The following DOCK4 variants were observed in gnomAD, a reference collection of about 807,000 sequenced individuals.
DOCK4 encodes the protein dedicator of cytokinesis protein 4.
A neutral mutation model predicts 268.1 loss-of-function variants in DOCK4; 97 were observed. The observed-to-expected ratio is 0.36, with a 90% confidence interval of 0.31 to 0.43. DOCK4 has a LOEUF of 0.43. Among genes scored for constraint, DOCK4 ranks in the 20% least tolerant of loss-of-function variants. The probability of loss-of-function intolerance (pLI) is 1.00; values close to 1 mark genes in which losing one functional copy is unlikely to be tolerated. For synonymous variants in DOCK4, 954 were observed against 887.2 expected (o/e 1.08, Z -1.34); for missense variants, 2,145 against 2,455.7 (o/e 0.87, Z 2.67).
chr7:112,009,555 T>C (rs1208008660), intron 1 of DOCK4, among the ~76,000 whole-genome samples: 1 of 152,220 alleles, frequency 6.6e-6, no homozygotes, highest in Non-Finnish European at 1.5e-5. Flanking sequence ...GGAGCAGGCA[T>C]CGGTGTTGTA....
At chr7:111,851,305 G>A (rs768129976) in intron 23 of DOCK4, among the ~76,000 whole-genome samples, 3 of 151,912 alleles carry the variant, frequency 2.0e-5, no homozygotes, top group Non-Finnish European at 2.9e-5. Context: ...TTAGCTGGGC[G>A]TGGCGGCACG....
intron 44 of DOCK4, among the ~76,000 whole-genome samples, chr7:111,744,214 T>C (rs1796116688): frequency 1.3e-5 from 2 of 152,072 alleles, no homozygotes; most frequent in South Asian, 2.1e-4. Context: ...GTGGAGGCAA[T>C]CCCTGAAGGG....
chr7:111,959,249 T>C (rs1586497473), intron 8 of DOCK4, among the ~76,000 whole-genome samples: 1 of 151,998 alleles, frequency 6.6e-6, no homozygotes, highest in Admixed American at 6.6e-5. Context: ...CCAAGGAGGG[T>C]GTCTGAATGC....
At chr7:112,041,314 G>A (rs2135507848) in intron 1 of DOCK4, among the ~76,000 whole-genome samples, 1 of 152,260 alleles carries the variant, frequency 6.6e-6, no homozygotes, top group East Asian at 1.9e-4. Flanking sequence ...AAGGAATACG[G>A]GAGAGAAGAA....
intron 9 of DOCK4, 126 bp from the exon 10 acceptor site, chr7:111,944,997 C>A: frequency 1.3e-6 from 1 of 770,274 alleles, no homozygotes; most frequent in South Asian, 1.5e-5. Flanking sequence ...ATGTTTGTAG[C>A]AGAAGTACAT....
intron 41 of DOCK4, 38 bp downstream of exon 41, chr7:111,758,582 GTCTA>G (rs1797188500): frequency 6.2e-7 from 1 of 1,605,808 alleles, no homozygotes; most frequent in South Asian, 1.1e-5. Flanking sequence ...GGGGCTCGCA[GTCTA>G]TCTGAGGAGT....
chr7:111,815,611 T>TTTATTTATTTATTTATTTCC (rs1357180943), intron 27 of DOCK4, among the ~76,000 whole-genome samples: 26 of 151,208 alleles, frequency 1.7e-4, no homozygotes, highest in African/African-American at 6.4e-4. Flanking sequence ...CATTTATTTA[T>TTTATTTATTTATTTATTTCC]TTCCTTCCTT....
chr7:112,202,554 C>T (rs1030797865), intron 1 of DOCK4, among the ~76,000 whole-genome samples: 2 of 151,986 alleles, frequency 1.3e-5, no homozygotes, highest in East Asian at 1.9e-4. Flanking sequence ...AAACGTACAT[C>T]AAAATATCAC....
Position 111,940,157 on chromosome 7 carries a change from G to A in DOCK4, c.930C>T (p.Asp310=), listed in dbSNP as rs1306208127. The A allele has an allele frequency of 1.9e-6, 3 of 1,613,952 alleles. No homozygotes were observed. Among genetic ancestry groups the A allele is most frequent in the Non-Finnish European group, 1.7e-6 (2 of 1,179,880 alleles). Residue 310 remains aspartate (D), a synonymous_variant, in exon 11 of 53, where the codon GAC becomes GAT. Coordinates refer to ENST00000428084, the MANE Select transcript of DOCK4 (RefSeq NM_001363540.2). The stretch of plus-strand genomic sequence containing the variant: ...CATCCTTTGTCTCTCCTGTTAGCAG[G>A]TCAGCGATGCTAAGAACTGCACAGC... ...PFGCAVLSIA[D]LLTGETKDDL...
chr7:112,109,921 G>GT (rs202188768), intron 1 of DOCK4, among the ~76,000 whole-genome samples: 17 of 147,688 alleles, frequency 1.2e-4, no homozygotes, highest in African/African-American at 4.5e-4. Context: ...ATTTTTTTGT[G>GT]TTTTTTAGGA....
intron 35 of DOCK4, among the ~76,000 whole-genome samples, chr7:111,779,881 G>T (rs1798685654): frequency 6.6e-6 from 1 of 152,178 alleles, no homozygotes; most frequent in African/African-American, 2.4e-5. Flanking sequence ...ACAAATCATT[G>T]TGCATTATGA....
intron 18 of DOCK4, 39 bp from the exon 19 acceptor site, chr7:111,872,391 C>G: frequency 6.6e-7 from 1 of 1,525,718 alleles, no homozygotes; most frequent in South Asian, 1.2e-5. Flanking sequence ...AAATAAGATA[C>G]TATCTGTCTT....
intron 1 of DOCK4, among the ~76,000 whole-genome samples, chr7:112,185,828 C>T (rs1023647835): frequency 5.3e-5 from 8 of 152,192 alleles, no homozygotes; most frequent in South Asian, 2.1e-4. Flanking sequence ...CTTTCCTAAG[C>T]GGAATCCAGT....
intron 21 of DOCK4, chr7:111,869,315 TC>T (rs1235196692): frequency 3.5e-5 from 15 of 424,818 alleles, no homozygotes; most frequent in Non-Finnish European, 6.7e-5. Context: ...CTCCTGCTCA[TC>T]TTAGACTTCA....
At chr7:111,757,306 G>A (rs1461597190) in intron 41 of DOCK4, among the ~76,000 whole-genome samples, 4 of 151,996 alleles carry the variant, frequency 2.6e-5, no homozygotes, top group South Asian at 2.1e-4. Context: ...AATGTAGTAC[G>A]GTGGAAAAAA....
chr7:111,831,273 C>A (rs1015125063), intron 26 of DOCK4, among the ~76,000 whole-genome samples: 6 of 152,056 alleles, frequency 3.9e-5, no homozygotes, highest in African/African-American at 1.4e-4. Flanking sequence ...CTAGGAGTCA[C>A]TTACAACTCC....
intron 1 of DOCK4, among the ~76,000 whole-genome samples, chr7:112,076,171 A>C (rs902474991): frequency 2.0e-5 from 3 of 152,136 alleles, no homozygotes; most frequent in Non-Finnish European, 4.4e-5. Flanking sequence ...CATTTGCAGT[A>C]ATTTGAAGGT....
At chr7:111,765,788 G>C (rs146846667) in intron 38 of DOCK4, among the ~76,000 whole-genome samples, 16 of 152,278 alleles carry the variant, frequency 1.1e-4, no homozygotes, top group Non-Finnish European at 1.9e-4. Context: ...TGCTGTCTGG[G>C]CTGAAAGCTC....
intron 3 of DOCK4, 26 bp from the exon 4 acceptor site, chr7:111,998,529 G>C (rs760896104): frequency 8.3e-6 from 13 of 1,557,204 alleles, no homozygotes; most frequent in Non-Finnish European, 1.1e-5. Flanking sequence ...TGAAGGTTAC[G>C]ATGCCGGCTG....
Sources: allele counts gnomAD v4.1 joint callset (sites outside exome capture counted in the v4.1 genomes callset), GRCh38; gene constraint gnomAD v4.1.1; transcripts MANE v1.5; gene names NCBI Gene and HGNC (gene_info 2026-07-23, HGNC 2026-07-21).